TRPV4: variants seen among roughly 807,000 people sequenced by gnomAD.
The protein encoded by TRPV4 is transient receptor potential cation channel subfamily V member 4, also known as OSM9-like transient receptor potential channel 4.
Under a neutral mutation model 84.1 loss-of-function variants are expected in TRPV4, and 58 were observed. The observed-to-expected ratio is 0.69, with a 90% CI of 0.56 to 0.86. TRPV4 has a LOEUF of 0.86. TRPV4 is among the 40% of genes least tolerant of loss of function. TRPV4 has a pLI of 0.00. For synonymous variants in TRPV4, 489 were observed against 500.9 expected (o/e 0.98, Z 0.32); for missense variants, 879 against 1,181.1 (o/e 0.74, Z 3.75).
Position 109,786,472 on chromosome 12 carries a change from A to G in TRPV4, c.2336+238T>C, listed in dbSNP as rs1592816728. ...TCACGTGCTGACCTGTCTAATCCGC[A>G]CCGCCAGCCTAGGAGCCCGTGAGAT... On this transcript the variant is annotated intron_variant, in intron 14 of 15. Transcript: ENST00000261740. This position sits in a 1 kb window ranked among gnomAD's most constrained non-coding sequence, Gnocchi z 4.5. Among the ~76,000 whole-genome samples the G allele has an allele frequency of 6.6e-6, 1 of 152,122 alleles. No individual in the cohort carries two copies. Among genetic ancestry groups the G allele is most frequent in the Admixed American group, 6.6e-5 (1 of 15,264 alleles).
intron 7 of TRPV4, 38 bp from the exon 8 acceptor site, chr12:109,794,525 G>A (rs1565866886): frequency 6.2e-7 from 1 of 1,611,830 alleles, no homozygotes; most frequent in Non-Finnish European, 8.5e-7. Flanking sequence ...GCCTTCCTGA[G>A]ATGGGTGGGG....
At chr12:109,794,111 G>A (rs914179452) in intron 8 of TRPV4, 89 bp from the exon 9 acceptor site, 14 of 1,213,170 alleles carry the variant, frequency 1.2e-5, no homozygotes, top group East Asian at 2.5e-5. Flanking sequence ...CCGAAACATC[G>A]GCATCCCATG....
chr12:109,794,778 G>A (rs1447604053), intron 7 of TRPV4, among the ~76,000 whole-genome samples: 1 of 152,202 alleles, frequency 6.6e-6, no homozygotes, highest in Non-Finnish European at 1.5e-5. Flanking sequence ...AGCACTTTGG[G>A]AGGCCAAGAC....
intron 8 of TRPV4, 149 bp downstream of exon 8, chr12:109,794,180 C>T (rs1016361368): frequency 1.5e-5 from 18 of 1,174,624 alleles, no homozygotes; most frequent in Admixed American, 1.2e-4. Flanking sequence ...CAGGGCCACC[C>T]GTGGATGCTG....
rs777168770 is a variant in TRPV4 at position 109,803,082 on chromosome 12, G to A, written c.621C>T (p.Asn207=). Residue 207 remains asparagine, a synonymous_variant, in exon 4 of 16, where the codon AAC becomes AAT. Coordinates refer to ENST00000261740, the MANE Select transcript of TRPV4 (RefSeq NM_021625.5). ...TGTCCAGCAGCACAGGGATGGTGTC[G>A]TTGCGGCCATTGCTCAGGTTCAGCA... is the stretch of plus-strand genomic sequence containing the variant. The part of the protein sequence containing the change: ...KALLNLSNGR[N]DTIPVLLDIA... The A allele has an allele frequency of 1.3e-5, 21 of 1,614,180 alleles. No homozygotes were observed. The highest frequency in any genetic ancestry group is 7.7e-5 in the South Asian group (7 of 91,086).
In TRPV4 at chr12:109,803,033, T is replaced by G. The variant is rs3825394; in HGVS notation, c.670A>C (p.Arg224=). 923,395 of 1,613,704 alleles carry G rather than the reference T, an allele frequency of 0.57. 273,817 individuals carry two copies. Among genetic ancestry groups the G allele is most frequent in the East Asian group, 0.96 (43,144 of 44,880 alleles). The change falls in exon 4 of 16, where the codon AGG becomes CGG. Residue 224 remains arginine, a synonymous_variant. Coordinates refer to ENST00000261740, the MANE Select transcript of TRPV4 (RefSeq NM_021625.5). ...CGGAAGGGCGAGTTAATGAACTCCC[T>G]CATGTTGCCGGTGCGCTCCGCGATG... ...LDIAERTGNM[R]EFINSPFRDI... is the part of the protein sequence containing the mutation.
At chr12:109,801,822 C>T (rs1474940825) in intron 4 of TRPV4, among the ~76,000 whole-genome samples, 1 of 152,038 alleles carries the variant, frequency 6.6e-6, no homozygotes, top group South Asian at 2.1e-4. Flanking sequence ...AGAGCAAGAC[C>T]TTGTCTCAAA....
chr12:109,815,995 G>A lies in TRPV4; in HGVS notation c.-31-1168C>T, dbSNP rs1273101062. Among the ~76,000 whole-genome samples the A allele has an allele frequency of 6.6e-6, 1 of 152,226 alleles. No homozygotes were observed. Among genetic ancestry groups the A allele is most frequent in the Non-Finnish European group, 1.5e-5 (1 of 68,044 alleles). On this transcript the variant is annotated intron_variant, in intron 1 of 15. Transcript: ENST00000261740. The surrounding 1 kb of genome is among the most constrained non-coding windows in gnomAD (Gnocchi z 4.1). The stretch of plus-strand genomic sequence containing the variant: ...AGCATGGTGCCAGCCAGGCAGGGCT[G>A]GGCACCAAGGGTGAGTTTCCTGGAA...
At chr12:109,820,245 G>C (rs1417376390) in intron 1 of TRPV4, among the ~76,000 whole-genome samples, 2 of 152,156 alleles carry the variant, frequency 1.3e-5, no homozygotes, top group Non-Finnish European at 2.9e-5. Flanking sequence ...GAAGGGCTCA[G>C]GAGTGGGCAA....
chr12:109,799,892 C>T (rs1890662803), intron 5 of TRPV4, among the ~76,000 whole-genome samples: 1 of 152,096 alleles, frequency 6.6e-6, no homozygotes, highest in Non-Finnish European at 1.5e-5. Context: ...TCCCAAGCAG[C>T]TGGGACTTCA....
chr12:109,787,498 G>A (rs1477228103), intron 13 of TRPV4, among the ~76,000 whole-genome samples: 1 of 152,148 alleles, frequency 6.6e-6, no homozygotes, highest in Non-Finnish European at 1.5e-5. Flanking sequence ...CAGCTACTCG[G>A]GAGGCTGAGG....
chr12:109,786,172 G>A lies in TRPV4; in HGVS notation c.2336+538C>T, dbSNP rs1774933828. Reference sequence around the variant, plus strand: ...ATGAATGAATCAACTGGAAAGAAAAGATTCATGAAGGGGTTCCCCTAAGAA... The same window carrying A: ...ATGAATGAATCAACTGGAAAGAAAAAATTCATGAAGGGGTTCCCCTAAGAA... On this transcript the variant is annotated intron_variant, in intron 14 of 15. Coordinates refer to ENST00000261740, the MANE Select transcript of TRPV4 (RefSeq NM_021625.5). This position sits in a 1 kb window ranked among gnomAD's most constrained non-coding sequence, Gnocchi z 4.5. 6.6e-6 allele frequency among the ~76,000 whole-genome samples: 1 copy of A among 152,188 alleles called. No homozygotes were observed. The highest frequency in any genetic ancestry group is 1.5e-5 in the Non-Finnish European group (1 of 68,040).
intron 1 of TRPV4, among the ~76,000 whole-genome samples, chr12:109,820,611 C>T (rs1459118578): frequency 6.7e-6 from 1 of 149,448 alleles, no homozygotes. Context: ...CAAGCTCCGC[C>T]TCCCGGGTTC....
At chr12:109,799,014 A>G in intron 5 of TRPV4, 102 bp from the exon 6 acceptor site, 1 of 1,155,392 alleles carries the variant, frequency 8.7e-7, no homozygotes, top group Non-Finnish European at 1.2e-6. Flanking sequence ...TCTGAGGATA[A>G]TGACGGAGAC....
Position 109,800,865 on chromosome 12 carries a change from T to C in TRPV4, c.713-107A>G, listed in dbSNP as rs1021841130. 11 of 862,496 alleles carry C rather than the reference T, an allele frequency of 1.3e-5. No individual in the cohort carries two copies. The African/African-American group carries it at 1.5e-4, about 12-fold the overall frequency. The allele number at this position is 862,496 out of a possible 1,614,324, so 53.4% of individuals were successfully genotyped here. On this transcript the variant is annotated intron_variant, in intron 4 of 15. Coordinates refer to ENST00000261740, the MANE Select transcript of TRPV4 (RefSeq NM_021625.5). ...GACGTAGAAATTGGGGGGTGGGGGA[T>C]GCAGGCAGAGTCCTGCCCAGCGACA...
Position 109,793,410 on chromosome 12 carries a change from C to T in TRPV4, c.1658+117G>A, listed in dbSNP as rs1890164135. ...TTGTCCTGACTTTGGGTTAGAGCTG[C>T]CCAGGTTGGGTGCATTCATTTCTAA... On this transcript the variant is annotated intron_variant, in intron 10 of 15. Coordinates refer to ENST00000261740, the MANE Select transcript of TRPV4 (RefSeq NM_021625.5). The surrounding 1 kb of genome is among the most constrained non-coding windows in gnomAD (Gnocchi z 4.0). The T allele has an allele frequency of 5.5e-6, 5 of 908,546 alleles. No homozygotes were observed. The highest frequency in any genetic ancestry group is 2.4e-5 in the East Asian group (1 of 41,428). 56.3% of individuals were successfully genotyped at this position (908,546 alleles called of 1,614,324 possible).
chr12:109,784,083 G>A (rs746467025), intron 15 of TRPV4, among the ~76,000 whole-genome samples: 7 of 152,174 alleles, frequency 4.6e-5, no homozygotes, highest in Non-Finnish European at 7.4e-5. Context: ...AGGGATGGCT[G>A]AGGAGCTCGT....
chr12:109,818,041 A>G (rs1565885866), intron 1 of TRPV4, among the ~76,000 whole-genome samples: 1 of 152,026 alleles, frequency 6.6e-6, no homozygotes, highest in Non-Finnish European at 1.5e-5. Flanking sequence ...AGGCTCAGAG[A>G]GGCTAAGTGA....
chr12:109,789,310 G>A (rs868301510), intron 12 of TRPV4, among the ~76,000 whole-genome samples: 12 of 152,232 alleles, frequency 7.9e-5, no homozygotes, highest in African/African-American at 2.9e-4. Flanking sequence ...GATGGTCCCC[G>A]CCACGAAGAA....
Sources: gnomAD v4.1 joint callset for allele counts (sites outside exome capture counted in the v4.1 genomes callset) on GRCh38, gnomAD v4.1.1 for gene constraint, Gnocchi (gnomAD v3.1) non-coding constraint, MANE v1.5 for transcripts, NCBI Gene and HGNC (gene_info 2026-07-23, HGNC 2026-07-21) for gene names.